Variants in SHB observed in about 807,000 individuals in gnomAD.
SHB encodes SH2 domain containing adaptor protein B, also known as SH2 domain-containing adapter protein B.
In SHB, 20 loss-of-function variants were observed where a neutral mutation model predicts 52.3. The ratio of observed to expected loss-of-function variants is 0.38; its 90% CI spans 0.27 to 0.56. The LOEUF is 0.56. Ranked by LOEUF, SHB falls within the 20% of genes least tolerant of loss-of-function variation. SHB has a pLI of 0.71. For missense variants in SHB, 825 were observed against 723.3 expected (o/e 1.14, Z -1.61); for synonymous variants, 397 against 316.5 (o/e 1.25, Z -2.70).
intron 2 of SHB, among the ~76,000 whole-genome samples, chr9:37,986,177 G>A (rs1390888685): frequency 1.3e-5 from 2 of 152,170 alleles, no homozygotes; most frequent in African/African-American, 2.4e-5. Context: ...GGATGCCAAC[G>A]GACCCTGCCT....
intron 2 of SHB, among the ~76,000 whole-genome samples, chr9:37,999,375 G>A (rs985605828): frequency 6.6e-6 from 1 of 152,214 alleles, no homozygotes; most frequent in Non-Finnish European, 1.5e-5. Context: ...CAGACTCGGG[G>A]TGACCAGGAG....
chr9:38,060,559 G>T (rs1192824701), intron 1 of SHB, among the ~76,000 whole-genome samples: 3 of 152,198 alleles, frequency 2.0e-5, no homozygotes, highest in African/African-American at 7.2e-5. Context: ...AGTAGCAGTA[G>T]TAGTAGCTAC....
At chr9:38,019,947 CAT>C (rs1455153676) in intron 1 of SHB, among the ~76,000 whole-genome samples, 1 of 152,070 alleles carries the variant, frequency 6.6e-6, no homozygotes, top group Non-Finnish European at 1.5e-5. Flanking sequence ...CACTCCATGA[CAT>C]AGCTCTGAAT....
chr9:38,005,097 C>T (rs371844584), intron 2 of SHB, among the ~76,000 whole-genome samples: 7 of 152,338 alleles, frequency 4.6e-5, no homozygotes, highest in East Asian at 3.9e-4. Context: ...TCCTGCCCTC[C>T]AGGGGTTCCC....
At chr9:38,028,480 G>C (rs1301409691) in intron 1 of SHB, among the ~76,000 whole-genome samples, 2 of 152,150 alleles carry the variant, frequency 1.3e-5, no homozygotes, top group Non-Finnish European at 1.5e-5. Context: ...CCCACACACA[G>C]AGAAGCAAGC....
intron 3 of SHB, among the ~76,000 whole-genome samples, chr9:37,973,235 TTTTTTA>T (rs574279522): frequency 3.1e-3 from 472 of 152,338 alleles, no homozygotes; most frequent in Non-Finnish European, 5.7e-3. Flanking sequence ...AATTTTTTTA[TTTTTTA>T]TTTTTATTTT....
chr9:37,928,764 A>G (rs1309068542), intron 5 of SHB, among the ~76,000 whole-genome samples: 1 of 152,182 alleles, frequency 6.6e-6, no homozygotes, highest in East Asian at 1.9e-4. Context: ...CTGGCCCCTT[A>G]TGTAAAGGTG....
chr9:38,057,415 A>G (rs1392444632), intron 1 of SHB, among the ~76,000 whole-genome samples: 1 of 152,182 alleles, frequency 6.6e-6, no homozygotes, highest in African/African-American at 2.4e-5. Context: ...AGTTTTGCTT[A>G]CTTATTATTT....
rs1419061954 is a variant in SHB, at chr9:37,917,956, A to G, written c.*1865T>C. ...ACAAACCGCTGAAGTCCACGCAGCT[A>G]CCTAAAGGGGCAGGGCTCAGTCCCA... On this transcript the variant is annotated 3_prime_UTR_variant, in exon 6 of 6. Coordinates refer to ENST00000377707, the MANE Select transcript of SHB (RefSeq NM_003028.3). Among the ~76,000 whole-genome samples the G allele has an allele frequency of 1.3e-5, 2 of 152,116 alleles. No homozygotes were observed. Among genetic ancestry groups the G allele is most frequent in the Non-Finnish European group, 2.9e-5 (2 of 68,014 alleles).
chr9:38,068,188 G>A lies in SHB; in HGVS notation c.458C>T (p.Ser153Phe), dbSNP rs773381291. The change falls in exon 1 of 6, where the codon TCC becomes TTC. Residue 153 changes from serine to phenylalanine, a missense_variant. Transcript: ENST00000377707. Reference sequence around the variant, plus strand: ...GAGATGCGGAGAGCCGGAGGACGAGGACGAGGACGCGGCGGCCCCCGCGCC... The same window carrying A: ...GAGATGCGGAGAGCCGGAGGACGAGAACGAGGACGCGGCGGCCCCCGCGCC... ...SSGAGAAASS[S>F]SSSGSPHLYR... 5 of 1,415,154 alleles carry A rather than the reference G, an allele frequency of 3.5e-6. No homozygotes were observed. In the African/African-American group the frequency reaches 4.5e-5, roughly 13 times the overall value. 87.7% of individuals were successfully genotyped at this position (1,415,154 alleles called of 1,614,324 possible).
At chr9:37,993,950 G>A (rs942171810) in intron 2 of SHB, among the ~76,000 whole-genome samples, 3 of 152,186 alleles carry the variant, frequency 2.0e-5, no homozygotes, top group African/African-American at 4.8e-5. Context: ...GACCCAGGAC[G>A]GCAATGGGTG....
intron 2 of SHB, among the ~76,000 whole-genome samples, chr9:37,984,538 G>A (rs189017548): frequency 3.6e-4 from 55 of 152,218 alleles, no homozygotes; most frequent in African/African-American, 1.2e-3. Flanking sequence ...CTTAACTCCT[G>A]GACCAGGGCT....
chr9:38,026,061 G>C (rs1821338129), intron 1 of SHB, among the ~76,000 whole-genome samples: 1 of 152,208 alleles, frequency 6.6e-6, no homozygotes, highest in Admixed American at 6.5e-5. Context: ...CCCTTCCCAA[G>C]GAAGGATCAG....
intron 2 of SHB, among the ~76,000 whole-genome samples, chr9:37,982,979 C>G (rs985657701): frequency 5.3e-5 from 8 of 151,400 alleles, no homozygotes; most frequent in Non-Finnish European, 1.2e-4. Flanking sequence ...TGGTGCCCCC[C>G]CCTCCATCTT....
intron 2 of SHB, among the ~76,000 whole-genome samples, chr9:37,978,106 A>ATG (rs1488181261): frequency 3.4e-4 from 51 of 152,238 alleles, no homozygotes; most frequent in African/African-American, 1.2e-3. Flanking sequence ...GACAGTAGTG[A>ATG]TAAAGGATCT....
At chr9:38,015,486 A>G (rs1348728057) in intron 2 of SHB, 8 of 702,760 alleles carry the variant, frequency 1.1e-5, no homozygotes, top group African/African-American at 1.7e-5. Context: ...TAAACCTGTC[A>G]TGTAGACCAG....
chr9:38,021,772 C>T (rs891268513), intron 1 of SHB, among the ~76,000 whole-genome samples: 3 of 152,200 alleles, frequency 2.0e-5, no homozygotes, highest in African/African-American at 7.2e-5. Flanking sequence ...CCTTCATGTG[C>T]CCTGCTGTCT....
intron 1 of SHB, among the ~76,000 whole-genome samples, chr9:38,017,442 A>G (rs1321198683): frequency 6.6e-6 from 1 of 152,228 alleles, no homozygotes; most frequent in Non-Finnish European, 1.5e-5. Context: ...TCTGCCTGGT[A>G]AATGGCAGCT....
intron 3 of SHB, among the ~76,000 whole-genome samples, chr9:37,968,891 CTA>C (rs1820561946): frequency 6.6e-6 from 1 of 152,156 alleles, no homozygotes; most frequent in Non-Finnish European, 1.5e-5. Context: ...GAGTGGGACT[CTA>C]TGGTATGTGG....
Sources: gnomAD v4.1 joint callset for allele counts (sites outside exome capture counted in the v4.1 genomes callset) on GRCh38, gnomAD v4.1.1 for gene constraint, MANE v1.5 for transcripts, NCBI Gene and HGNC (gene_info 2026-07-23, HGNC 2026-07-21) for gene names.